Variants in SPAG9 observed in about 807,000 individuals in gnomAD.
SPAG9 encodes sperm associated antigen 9, also known as C-Jun-amino-terminal kinase-interacting protein 4.
In SPAG9, 35 loss-of-function variants were observed where a neutral mutation model predicts 166.5. The observed-to-expected ratio is 0.21, with a 90% CI of 0.16 to 0.28. The LOEUF is 0.28. Ranked by LOEUF, SPAG9 falls within the 10% of genes least tolerant of loss-of-function variation. The pLI, the probability that SPAG9 is intolerant of heterozygous loss-of-function variation, is 1.00. For synonymous variants in SPAG9, 534 were observed against 565.5 expected, an observed-to-expected ratio of 0.94 and a Z score of 0.79; for missense variants, 1,235 against 1,603.3, an observed-to-expected ratio of 0.77 and a Z score of 3.92.
At chr17:51,102,533 G>T (rs962489808) in intron 1 of SPAG9, among the ~76,000 whole-genome samples, 2 of 150,316 alleles carry the variant, frequency 1.3e-5, no homozygotes, top group African/African-American at 4.9e-5. Flanking sequence ...GTGGAGTCTC[G>T]CTCTGTCACC....
rs767057527 is a variant in SPAG9, at chr17:50,987,206, A to G, written c.2845T>C (p.Ser949Pro). 3 of 1,612,254 alleles carry G rather than the reference A, an allele frequency of 1.9e-6. No homozygotes were observed. The highest frequency in any genetic ancestry group is 2.5e-6 in the Non-Finnish European group (3 of 1,179,388). The change falls in exon 22 of 30, where the codon TCA becomes CCA. Residue 949 changes from serine to proline, a missense_variant. Physicochemically the swap from Ser to Pro is moderately conservative, Grantham distance 74. Transcript: ENST00000262013. ...NDSDAYKDQI[S>P]VLPNEQDLVR... ...AAGTCTTGTTCATTTGGCAGTACTG[A>G]TATTTGATCTTTATATGCATCTGAG...
intron 1 of SPAG9, among the ~76,000 whole-genome samples, chr17:51,097,842 G>A (rs1390454549): frequency 6.6e-6 from 1 of 152,102 alleles, no homozygotes; most frequent in Non-Finnish European, 1.5e-5. Context: ...TGTTGCCTGG[G>A]TTGGAGTGCA....
At chr17:51,052,838 G>A (rs1194058865) in intron 3 of SPAG9, among the ~76,000 whole-genome samples, 1 of 151,020 alleles carries the variant, frequency 6.6e-6, no homozygotes, top group African/African-American at 2.4e-5. Flanking sequence ...GTGGGTGGAT[G>A]ACTTGAGGTC....
intron 2 of SPAG9, among the ~76,000 whole-genome samples, chr17:51,077,582 A>G (rs2048052691): frequency 6.6e-6 from 1 of 152,140 alleles, no homozygotes; most frequent in Admixed American, 6.5e-5. Flanking sequence ...ATTCATAGTA[A>G]TGTGACTACA....
At chr17:51,067,305 T>C (rs1386090467) in intron 2 of SPAG9, among the ~76,000 whole-genome samples, 3 of 152,200 alleles carry the variant, frequency 2.0e-5, no homozygotes, top group Non-Finnish European at 4.4e-5. Flanking sequence ...AGAAGTCATT[T>C]TAAAGTGTGG....
At chr17:51,063,196 G>A (rs1447985952) in intron 2 of SPAG9, among the ~76,000 whole-genome samples, 2 of 152,060 alleles carry the variant, frequency 1.3e-5, no homozygotes, top group East Asian at 3.9e-4. Context: ...ATCACCTGAG[G>A]TCAGGAGTTC....
At chr17:50,993,995 G>T (rs1975848082) in intron 18 of SPAG9, 60 bp from the exon 19 acceptor site, 2 of 1,446,536 alleles carry the variant, frequency 1.4e-6, no homozygotes, top group Non-Finnish European at 1.9e-6. Context: ...TATTCATAAG[G>T]TGGTGCTGTT....
intron 28 of SPAG9, among the ~76,000 whole-genome samples, chr17:50,973,445 A>T (rs1377525132): frequency 6.6e-6 from 1 of 152,172 alleles, no homozygotes; most frequent in African/African-American, 2.4e-5. Flanking sequence ...ACAAATATAT[A>T]AAATGTACAA....
intron 26 of SPAG9, among the ~76,000 whole-genome samples, chr17:50,978,056 A>G (rs1269401002): frequency 6.6e-6 from 1 of 152,258 alleles, no homozygotes; most frequent in Non-Finnish European, 1.5e-5. Flanking sequence ...TTTAAGTATT[A>G]TACACAAATA....
At chr17:51,076,411 G>A (rs948349301) in intron 2 of SPAG9, among the ~76,000 whole-genome samples, 1 of 150,812 alleles carries the variant, frequency 6.6e-6, no homozygotes, top group Admixed American at 6.6e-5. Context: ...AGTGAGATCC[G>A]GTTTCAATAA....
intron 1 of SPAG9, among the ~76,000 whole-genome samples, chr17:51,091,785 A>G (rs577889205): frequency 6.6e-6 from 1 of 151,920 alleles, no homozygotes; most frequent in African/African-American, 2.4e-5. Flanking sequence ...GTGACTTCAG[A>G]CAACTCTCCT....
At chr17:51,064,139 C>T (rs1163690906) in intron 2 of SPAG9, among the ~76,000 whole-genome samples, 2 of 152,038 alleles carry the variant, frequency 1.3e-5, no homozygotes, top group African/African-American at 2.4e-5. Context: ...TTTATCTTTC[C>T]CATTAAAATT....
chr17:50,974,698 T>C (rs1247816018), intron 28 of SPAG9, 73 bp downstream of exon 28: 3 of 1,331,310 alleles, frequency 2.3e-6, no homozygotes, highest in Non-Finnish European at 3.1e-6. Context: ...CTTAGACTAT[T>C]AGGTAGTGGA....
rs1568084060 is a variant in SPAG9, at chr17:51,096,008, T to TATATATATAGTG, written c.304-16305_304-16304insCACTATATATAT. Among the ~76,000 whole-genome samples, 90 of 71,614 alleles carry TATATATATAGTG rather than the reference T, an allele frequency of 1.3e-3. 2 individuals are homozygous for TATATATATAGTG. The highest frequency in any genetic ancestry group is 0.01 in the South Asian group (28 of 2,668). 47.0% of individuals were successfully genotyped at this position (71,614 alleles called of 152,430 possible). ...ATATATAGTGATATATATATAGTGA[T>TATATATATAGTG]ATATATATATAGTGATATATATATA... On this transcript the variant is annotated intron_variant, in intron 1 of 29. Transcript: ENST00000262013.
At chr17:51,072,633 G>A (rs906421355) in intron 2 of SPAG9, among the ~76,000 whole-genome samples, 8 of 151,960 alleles carry the variant, frequency 5.3e-5, no homozygotes, top group East Asian at 2.0e-4. Flanking sequence ...GCAGTGAGCC[G>A]AGATCGCGCC....
intron 1 of SPAG9, among the ~76,000 whole-genome samples, chr17:51,091,018 T>G (rs1168430889): frequency 6.6e-6 from 1 of 151,684 alleles, no homozygotes; most frequent in African/African-American, 2.4e-5. Flanking sequence ...TCCCAGCACT[T>G]TGGGAGGCCA....
chr17:51,115,363 T>A (rs1366089591), intron 1 of SPAG9, among the ~76,000 whole-genome samples: 2 of 151,878 alleles, frequency 1.3e-5, no homozygotes, highest in Non-Finnish European at 2.9e-5. Flanking sequence ...TAATTTTTTT[T>A]ATGGTTTTTG....
chr17:50,977,046 A>T, intron 27 of SPAG9, 62 bp downstream of exon 27: 1 of 1,035,308 alleles, frequency 9.7e-7, no homozygotes, highest in Non-Finnish European at 1.5e-6. Flanking sequence ...TGAATTTCAG[A>T]CATAACTATT....
rs551841916 is a variant in SPAG9, at chr17:51,116,950, C to T, written c.303+3404G>A. Among the ~76,000 whole-genome samples, 74 of 152,180 alleles carry T rather than the reference C, an allele frequency of 4.9e-4. 1 individual carries two copies. Among genetic ancestry groups the T allele is most frequent in the African/African-American group, 1.7e-3 (70 of 41,510 alleles). ...CTAGAGCATGGGCAAAGGCATCAGA[C>T]GGGTCTTGGTTAAAGAATGGAGAGG... On this transcript the variant is annotated intron_variant, in intron 1 of 29. Coordinates refer to ENST00000262013, the MANE Select transcript of SPAG9 (RefSeq NM_001130528.3).
Sources: gnomAD v4.1 joint callset for allele counts (sites outside exome capture counted in the v4.1 genomes callset) on GRCh38, gnomAD v4.1.1 for gene constraint, MANE v1.5 for transcripts, NCBI Gene and HGNC (gene_info 2026-07-23, HGNC 2026-07-21) for gene names.